Variants in NCKAP5 observed in about 807,000 individuals in gnomAD.
NCKAP5 encodes the protein NCK associated protein 5.
Under a neutral mutation model 167.0 loss-of-function variants are expected in NCKAP5, and 92 were observed. The observed-to-expected ratio is 0.55, with a 90% CI of 0.47 to 0.66. NCKAP5 has a LOEUF of 0.66. NCKAP5 is among the 30% of genes least tolerant of loss of function. NCKAP5 has a pLI of 0.00. For missense variants in NCKAP5, 2,378 were observed against 2,315.0 expected (o/e 1.03, Z -0.56); for synonymous variants, 891 against 877.4 (o/e 1.02, Z -0.27).
intron 8 of NCKAP5, among the ~76,000 whole-genome samples, chr2:132,911,518 T>C (rs981161583): frequency 2.6e-5 from 4 of 152,192 alleles, no homozygotes; most frequent in Non-Finnish European, 4.4e-5. Context: ...AAATTCCAAG[T>C]CCTTTAAAAA....
intron 7 of NCKAP5, among the ~76,000 whole-genome samples, chr2:132,989,560 C>T (rs979207512): frequency 6.6e-5 from 10 of 152,100 alleles, no homozygotes; most frequent in African/African-American, 2.4e-4. Flanking sequence ...GCACATATGA[C>T]AATATTTCTG....
At chr2:132,986,324 A>G (rs916766522) in intron 7 of NCKAP5, among the ~76,000 whole-genome samples, 1 of 152,182 alleles carries the variant, frequency 6.6e-6, no homozygotes, top group African/African-American at 2.4e-5. Flanking sequence ...ATAGGTGTTG[A>G]TGTACCTCAC....
intron 4 of NCKAP5, among the ~76,000 whole-genome samples, chr2:133,233,010 C>T (rs1358722868): frequency 2.0e-5 from 3 of 152,170 alleles, no homozygotes; most frequent in African/African-American, 7.2e-5. Flanking sequence ...CACATTAAAT[C>T]TATTCAACTG....
At chr2:133,576,036 A>G in the NCKAP5 span, among the ~76,000 whole-genome samples, 1 of 152,312 alleles carries the variant, frequency 6.6e-6, no homozygotes, top group Admixed American at 6.5e-5. Flanking sequence ...AAACAGGTTT[A>G]TTCCAACTGG....
chr2:133,342,484 C>T (rs1259525310), intron 3 of NCKAP5, among the ~76,000 whole-genome samples: 1 of 152,164 alleles, frequency 6.6e-6, no homozygotes, highest in Non-Finnish European at 1.5e-5. Context: ...ATCTTCATCC[C>T]ATCCAGAGTA....
At chr2:132,873,959 GAGGAAACAAATAC>G (rs1258335304) in intron 9 of NCKAP5, among the ~76,000 whole-genome samples, 1 of 152,098 alleles carries the variant, frequency 6.6e-6, no homozygotes, top group African/African-American at 2.4e-5. Context: ...CAAAAATAAT[GAGGAAACAAATAC>G]AGGGACTGCC....
chr2:132,935,110 C>T (rs1044467680), intron 8 of NCKAP5, among the ~76,000 whole-genome samples: 3 of 152,164 alleles, frequency 2.0e-5, no homozygotes, highest in Non-Finnish European at 2.9e-5. Flanking sequence ...GAAGTGAAGG[C>T]TCCCTGGGAG....
intron 11 of NCKAP5, among the ~76,000 whole-genome samples, chr2:132,834,994 G>A (rs1352532231): frequency 1.3e-5 from 2 of 152,176 alleles, no homozygotes; most frequent in South Asian, 4.2e-4. Context: ...TTCCTTTAAT[G>A]CCTACTTTGT....
chr2:133,025,660 T>C (rs1386576055), intron 6 of NCKAP5, among the ~76,000 whole-genome samples: 3 of 152,096 alleles, frequency 2.0e-5, no homozygotes, highest in Non-Finnish European at 4.4e-5. Flanking sequence ...GAGGAGTGAA[T>C]TCAGAACTTT....
chr2:133,384,027 G>C (rs1686736946), intron 3 of NCKAP5, among the ~76,000 whole-genome samples: 1 of 152,168 alleles, frequency 6.6e-6, no homozygotes. Flanking sequence ...TCTGATGGTA[G>C]TTTCTTTTGC....
chr2:133,466,536 A>G (rs1411189073), intron 3 of NCKAP5, among the ~76,000 whole-genome samples: 1 of 151,276 alleles, frequency 6.6e-6, no homozygotes, highest in Admixed American at 6.6e-5. Flanking sequence ...GTTTTTTCCA[A>G]TTCTGTGAAG....
chr2:133,183,448 T>C (rs937906795), intron 5 of NCKAP5, among the ~76,000 whole-genome samples: 1 of 151,816 alleles, frequency 6.6e-6, no homozygotes, highest in Non-Finnish European at 1.5e-5. Flanking sequence ...TGGAAAAAAA[T>C]ATCCATCTTA....
chr2:132,736,726 G>T, intron 16 of NCKAP5, among the ~76,000 whole-genome samples: 1 of 152,178 alleles, frequency 6.6e-6, no homozygotes, highest in Admixed American at 6.5e-5. Context: ...GGTGGAGGTG[G>T]CAGTGAGCCG....
intron 6 of NCKAP5, among the ~76,000 whole-genome samples, chr2:133,083,593 C>T (rs555962455): frequency 1.2e-4 from 19 of 152,256 alleles, no homozygotes; most frequent in Non-Finnish European, 1.2e-4. Context: ...GCATGGATCA[C>T]GTATCTTACC....
At chr2:133,219,387 C>T (rs1223715442) in intron 4 of NCKAP5, among the ~76,000 whole-genome samples, 1 of 152,164 alleles carries the variant, frequency 6.6e-6, no homozygotes, top group East Asian at 1.9e-4. Flanking sequence ...TTTTGGGGAC[C>T]ATGCTCCGTA....
intron 3 of NCKAP5, among the ~76,000 whole-genome samples, chr2:133,412,693 T>C (rs1688849898): frequency 6.6e-6 from 1 of 152,212 alleles, no homozygotes; most frequent in African/African-American, 2.4e-5. Context: ...ACTCTAGAAG[T>C]ATGATTTTTA....
intron 5 of NCKAP5, among the ~76,000 whole-genome samples, chr2:133,166,568 A>G (rs2149968599): frequency 6.6e-6 from 1 of 152,318 alleles, no homozygotes; most frequent in East Asian, 1.9e-4. Context: ...GCCTTAGGCC[A>G]GCTTTTCCTA....
chr2:132,862,780 C>CAAA (rs1169763055), intron 10 of NCKAP5, among the ~76,000 whole-genome samples: 2 of 100,494 alleles, frequency 2.0e-5, no homozygotes, highest in African/African-American at 3.7e-5. Context: ...AAAAAAAAAC[C>CAAA]AAAAAAAAAC....
At chr2:133,001,120 G>T (rs1014148425) in intron 6 of NCKAP5, among the ~76,000 whole-genome samples, 2 of 151,562 alleles carry the variant, frequency 1.3e-5, no homozygotes, top group Non-Finnish European at 2.9e-5. Context: ...GTATTTCATT[G>T]TATGTAAATT....
Sources: gnomAD v4.1 joint callset for allele counts (sites outside exome capture counted in the v4.1 genomes callset) on GRCh38, gnomAD v4.1.1 for gene constraint, MANE v1.5 for transcripts, NCBI Gene and HGNC (gene_info 2026-07-23, HGNC 2026-07-21) for gene names.